The following DGCR2 variants were observed in gnomAD, a reference collection of about 807,000 sequenced individuals.
The protein encoded by DGCR2 is DiGeorge syndrome critical region gene 2.
Under a neutral mutation model 51.6 loss-of-function variants are expected in DGCR2, and 24 were observed. The ratio of observed to expected loss-of-function variants is 0.47; its 90% confidence interval spans 0.34 to 0.65. The LOEUF (loss-of-function observed/expected upper bound fraction) is 0.65, where lower values mean the gene tolerates loss of function less well. DGCR2 is among the 30% of genes least tolerant of loss of function. The pLI is 0.01. For missense variants in DGCR2, 765 were observed against 772.1 expected, an observed-to-expected ratio of 0.99 and a Z score of 0.11; for synonymous variants, 340 against 315.4, an observed-to-expected ratio of 1.08 and a Z score of -0.82.
In DGCR2 at chr22:19,063,295, C is replaced by T; in HGVS notation, c.549-17G>A. On this transcript the variant is annotated splice_polypyrimidine_tract_variant and intron_variant, in intron 4 of 9. Transcript: ENST00000263196. ...ACCCACAACCTGCAGGGCACAGAGA[C>T]AGAGACAGAGATCTCAGCGGCAGGA... The T allele has an allele frequency of 5.6e-6, 9 of 1,612,340 alleles. No individual in the cohort carries two copies. The highest frequency in any genetic ancestry group is 7.6e-6 in the Non-Finnish European group (9 of 1,178,536).
chr22:19,092,646 T>C (rs1479994132), intron 1 of DGCR2, among the ~76,000 whole-genome samples: 9 of 152,300 alleles, frequency 5.9e-5, no homozygotes, highest in African/African-American at 1.9e-4. Context: ...TAAGGAAGAA[T>C]TGATGTCAAT....
chr22:19,111,090 G>A (rs1389366551), intron 1 of DGCR2, among the ~76,000 whole-genome samples: 3 of 151,916 alleles, frequency 2.0e-5, no homozygotes, highest in Admixed American at 6.6e-5. Context: ...ACATCCACAC[G>A]GTTGAAAACC....
In DGCR2 at chr22:19,064,921, G is replaced by T. The variant is rs781701325; in HGVS notation, c.475C>A (p.Gln159Lys). The T allele has an allele frequency of 3.0e-5, 48 of 1,613,886 alleles. No individual in the cohort carries two copies. Among genetic ancestry groups the T allele is most frequent in the Non-Finnish European group, 4.1e-5 (48 of 1,180,046 alleles). ...TGGGCCAGGACAAAGCGCAGCTCCT[G>T]GTCAGTGGAGAAGGTGGCGAGAGAG... Reference protein sequence around the residue: ...NGSLATFSTDQELRFVLAQEW... With the variant: ...NGSLATFSTDKELRFVLAQEW... The change falls in exon 4 of 10, where the codon CAG (glutamine) becomes AAG (lysine). Residue 159 changes from glutamine (Q) to lysine (K), a missense_variant. Coordinates refer to ENST00000263196, the MANE Select transcript of DGCR2 (RefSeq NM_005137.3).
At chr22:19,099,807 A>T (rs1191415855) in intron 1 of DGCR2, among the ~76,000 whole-genome samples, 3 of 151,842 alleles carry the variant, frequency 2.0e-5, no homozygotes, top group African/African-American at 7.3e-5. Context: ...TGACTCTACT[A>T]AAAATACAAA....
intron 9 of DGCR2, among the ~76,000 whole-genome samples, chr22:19,040,309 T>C (rs2082416873): frequency 6.6e-6 from 1 of 152,220 alleles, no homozygotes; most frequent in Non-Finnish European, 1.5e-5. Flanking sequence ...CTGAGACCTT[T>C]AGGCACAGCA....
intron 1 of DGCR2, among the ~76,000 whole-genome samples, chr22:19,097,866 T>C (rs2083159188): frequency 1.3e-5 from 2 of 152,070 alleles, no homozygotes; most frequent in Non-Finnish European, 2.9e-5. Context: ...CTTGAAGTTC[T>C]GTGCACCCTG....
chr22:19,061,062 C>G (rs1427129125), intron 5 of DGCR2: 1 of 242,160 alleles, frequency 4.1e-6, no homozygotes. Flanking sequence ...CTGATATTCT[C>G]AGGTACAATA....
intron 2 of DGCR2, among the ~76,000 whole-genome samples, chr22:19,079,271 G>T (rs950309952): frequency 6.6e-6 from 1 of 152,118 alleles, no homozygotes; most frequent in African/African-American, 2.4e-5. Context: ...TGTTCAACTG[G>T]TAAGTATAAT....
At chr22:19,053,809 C>A (rs559758118) in intron 6 of DGCR2, among the ~76,000 whole-genome samples, 20 of 151,906 alleles carry the variant, frequency 1.3e-4, no homozygotes, top group Non-Finnish European at 2.6e-4. Flanking sequence ...AAAAGCTGGA[C>A]AATATACAAG....
At chr22:19,094,073 C>G (rs2083111327) in intron 1 of DGCR2, among the ~76,000 whole-genome samples, 1 of 152,214 alleles carries the variant, frequency 6.6e-6, no homozygotes, top group South Asian at 2.1e-4. Context: ...AAGATATATA[C>G]AGATGGCTAG....
At chr22:19,062,775 G>GCTCTCGCTCTCT (rs1491258740) in intron 5 of DGCR2, among the ~76,000 whole-genome samples, 3 of 108,860 alleles carry the variant, frequency 2.8e-5, no homozygotes, top group Non-Finnish European at 5.8e-5. Context: ...ACACATGCAT[G>GCTCTCGCTCTCT]CTCACTCTCT....
intron 1 of DGCR2, among the ~76,000 whole-genome samples, chr22:19,104,978 G>A (rs1194264156): frequency 1.3e-5 from 2 of 152,216 alleles, no homozygotes; most frequent in African/African-American, 4.8e-5. Context: ...CCAGAGGTGT[G>A]GATGCTGGGT....
intron 7 of DGCR2, among the ~76,000 whole-genome samples, chr22:19,043,278 G>A (rs928544342): frequency 6.6e-5 from 10 of 152,340 alleles, no homozygotes; most frequent in African/African-American, 1.9e-4. Flanking sequence ...ACATCCTCCA[G>A]GACAGCCCCC....
At chr22:19,042,893 G>A (rs1294331434) in intron 7 of DGCR2, among the ~76,000 whole-genome samples, 1 of 152,170 alleles carries the variant, frequency 6.6e-6, no homozygotes, top group Non-Finnish European at 1.5e-5. Flanking sequence ...AGCCATGGCA[G>A]AGAAAATGCG....
chr22:19,042,545 G>A (rs1000344910), intron 7 of DGCR2, among the ~76,000 whole-genome samples: 1 of 152,244 alleles, frequency 6.6e-6, no homozygotes, highest in African/African-American at 2.4e-5. Context: ...GACAGTTGCT[G>A]GCAGTTTGGA....
rs200453334 is a variant in DGCR2 at position 19,095,121 on chromosome 22, G to A, written c.80-5631C>T. Among the ~76,000 whole-genome samples the A allele has an allele frequency of 8.5e-5, 13 of 152,314 alleles. No homozygotes were observed. In the East Asian group the frequency reaches 2.3e-3, roughly 27 times the overall value. On this transcript the variant is annotated intron_variant, in intron 1 of 9. Coordinates refer to ENST00000263196, the MANE Select transcript of DGCR2 (RefSeq NM_005137.3). ...CTCACGCCTATAATCCCAGCACTTT[G>A]GGAGGCTGAGGTGAATGGATCACCT...
chr22:19,072,102 C>T (rs948177306), intron 2 of DGCR2, among the ~76,000 whole-genome samples: 2 of 152,066 alleles, frequency 1.3e-5, no homozygotes, highest in Non-Finnish European at 2.9e-5. Flanking sequence ...AAGCAGTAAA[C>T]AAATCAAGAG....
intron 2 of DGCR2, among the ~76,000 whole-genome samples, chr22:19,086,908 G>T (rs1196924513): frequency 6.6e-6 from 1 of 152,244 alleles, no homozygotes; most frequent in Admixed American, 6.5e-5. Context: ...TGGCAACTAT[G>T]AGTGTGGATA....
chr22:19,112,055 C>T (rs889506727), intron 1 of DGCR2, among the ~76,000 whole-genome samples: 3 of 151,970 alleles, frequency 2.0e-5, no homozygotes, highest in African/African-American at 7.2e-5. Flanking sequence ...GGTGGATCAC[C>T]TGAGGTCAGG....
Sources: gnomAD v4.1 joint callset for allele counts (sites outside exome capture counted in the v4.1 genomes callset) on GRCh38, gnomAD v4.1.1 for gene constraint, MANE v1.5 for transcripts, NCBI Gene and HGNC (gene_info 2026-07-23, HGNC 2026-07-21) for gene names.